Variants in CAMTA1 observed in about 807,000 individuals in gnomAD.
The protein encoded by CAMTA1 is calmodulin binding transcription activator 1.
CAMTA1 carries 27 observed loss-of-function variants against 170.9 expected under a neutral mutation model. That is an observed-to-expected ratio of 0.16 (90% CI 0.12 to 0.22). The LOEUF is 0.22. CAMTA1 is among the 10% of genes least tolerant of loss of function. CAMTA1 has a pLI of 1.00. For missense variants in CAMTA1, 1,619 were observed against 2,217.2 expected (o/e 0.73, Z 5.42); for synonymous variants, 833 against 891.5 (o/e 0.93, Z 1.17).
intron 6 of CAMTA1, among the ~76,000 whole-genome samples, chr1:7,498,055 A>G (rs1347558557): frequency 6.8e-6 from 1 of 147,334 alleles, no homozygotes; most frequent in African/African-American, 2.5e-5. Flanking sequence ...TTATGGAAAG[A>G]GGGGGTGAGA....
chr1:6,872,619 CA>C (rs1373571893), intron 3 of CAMTA1, among the ~76,000 whole-genome samples: 8 of 152,276 alleles, frequency 5.3e-5, no homozygotes, highest in Admixed American at 3.9e-4. Context: ...CTGCCATATG[CA>C]ATTTCATGAC....
Position 6,913,377 on chromosome 1 carries a change from G to T in CAMTA1, c.234+88167G>T, listed in dbSNP as rs568045770. The stretch of plus-strand genomic sequence containing the variant: ...CTGAGGAGCCTGCAGAAACCTCCCA[G>T]ATCTGCCTGCTTTTGGGGTTCCCTG... On this transcript the variant is annotated intron_variant, in intron 3 of 22. Coordinates refer to ENST00000303635, the MANE Select transcript of CAMTA1 (RefSeq NM_015215.4). Among the ~76,000 whole-genome samples the T allele has an allele frequency of 5.1e-4, 78 of 152,304 alleles. 1 individual carries two copies. In the South Asian group the frequency reaches 0.015, roughly 29 times the overall value.
chr1:6,983,907 ATTGGGTGGG>A (rs1572214250), intron 3 of CAMTA1, among the ~76,000 whole-genome samples: 1 of 92,588 alleles, frequency 1.1e-5, no homozygotes, highest in East Asian at 3.8e-4. Context: ...TGGATTGATG[ATTGGGTGGG>A]TGGGTAAATG....
At position 7,585,290 on chromosome 1, in the gene CAMTA1, G is replaced by A. The variant is rs891633772; in HGVS notation, c.511-55110G>A. The stretch of plus-strand genomic sequence containing the variant: ...AAAGGAAGGGGTACGGGAGGGTTGC[G>A]GATAGAGTAGCCAAGAAGAGGCCTC... On this transcript the variant is annotated intron_variant, in intron 6 of 22. Transcript: ENST00000303635. The surrounding 1 kb of genome is among the most constrained non-coding windows in gnomAD (Gnocchi z 4.8). 4.1e-5 allele frequency among the ~76,000 whole-genome samples: 6 copies of A among 145,724 alleles called. No homozygotes were observed. Among genetic ancestry groups the A allele is most frequent in the Admixed American group, 6.6e-5 (1 of 15,118 alleles).
intron 19 of CAMTA1, among the ~76,000 whole-genome samples, chr1:7,749,476 G>C (rs2096880343): frequency 6.6e-6 from 1 of 151,992 alleles, no homozygotes; most frequent in African/African-American, 2.4e-5. Flanking sequence ...GTGATACACA[G>C]AATGAAGGTT....
chr1:6,973,033 G>A (rs1692805067), intron 3 of CAMTA1, among the ~76,000 whole-genome samples: 1 of 151,988 alleles, frequency 6.6e-6, no homozygotes, highest in South Asian at 2.1e-4. Flanking sequence ...TGTATTTTTA[G>A]TAGAGATGGG....
At chr1:7,217,884 C>A (rs1484203180) in intron 4 of CAMTA1, among the ~76,000 whole-genome samples, 1 of 152,188 alleles carries the variant, frequency 6.6e-6, no homozygotes, top group Non-Finnish European at 1.5e-5. Context: ...CTTAGTTACA[C>A]ACTTAATTTA....
In CAMTA1 at chr1:7,640,466, G is replaced by A. The variant is rs138326875; in HGVS notation, c.577G>A (p.Gly193Ser). The A allele has an allele frequency of 3.6e-5, 58 of 1,614,072 alleles. No homozygotes were observed. In the East Asian group the frequency reaches 3.8e-4, roughly 11 times the overall value. ...CATCGAGGACTGCGGCAAGCCTTGC[G>A]GCCCCATCCTCTGCTCCATCAACAC... ...PAIEDCGKPC[G>S]PILCSINTDK... The change falls in exon 7 of 23, where the codon GGC becomes AGC. Residue 193 changes from glycine (G) to serine (S), a missense_variant. Around this residue, in one of 8 missense-constraint regions of CAMTA1, gnomAD observed 97 missense variants for 225.4 expected, o/e 0.43. Transcript: ENST00000303635.
At chr1:7,070,078 G>A (rs931920884) in intron 3 of CAMTA1, among the ~76,000 whole-genome samples, 5 of 152,194 alleles carry the variant, frequency 3.3e-5, no homozygotes, top group Non-Finnish European at 7.3e-5. Context: ...TGCACCCTTT[G>A]CTCTCTGGAG....
intron 3 of CAMTA1, among the ~76,000 whole-genome samples, chr1:7,079,327 A>G (rs1639709662): frequency 6.6e-6 from 1 of 152,214 alleles, no homozygotes; most frequent in Non-Finnish European, 1.5e-5. Context: ...AGTTAAAGAT[A>G]TAATTGCTGA....
chr1:6,810,840 A>G (rs917219565), intron 1 of CAMTA1, among the ~76,000 whole-genome samples: 2 of 152,172 alleles, frequency 1.3e-5, no homozygotes, highest in Admixed American at 1.3e-4. Context: ...GGTGGGGATC[A>G]TAGGAGGTCC....
chr1:7,734,390 C>T (rs764062168), intron 12 of CAMTA1, among the ~76,000 whole-genome samples: 28 of 152,182 alleles, frequency 1.8e-4, no homozygotes, highest in Non-Finnish European at 2.8e-4. Flanking sequence ...AAAGCTCAGC[C>T]ACTACGCAGC....
intron 4 of CAMTA1, among the ~76,000 whole-genome samples, chr1:7,138,367 T>C (rs1001573803): frequency 1.4e-4 from 21 of 152,224 alleles, no homozygotes; most frequent in African/African-American, 4.8e-4. Flanking sequence ...CAGTGTAGCA[T>C]TGGCATTTAA....
intron 3 of CAMTA1, among the ~76,000 whole-genome samples, chr1:6,990,367 C>CT (rs1696153097): frequency 6.6e-6 from 1 of 152,164 alleles, no homozygotes; most frequent in South Asian, 2.1e-4. Flanking sequence ...ATATCCATCA[C>CT]TTTAACAATT....
chr1:7,439,804 G>GC (rs1411356711), intron 5 of CAMTA1, among the ~76,000 whole-genome samples: 1 of 152,168 alleles, frequency 6.6e-6, no homozygotes, highest in Non-Finnish European at 1.5e-5. Flanking sequence ...AGAGTGCCGA[G>GC]CCCAGCCTCC....
At chr1:6,999,056 C>G (rs1697778756) in intron 3 of CAMTA1, among the ~76,000 whole-genome samples, 1 of 152,170 alleles carries the variant, frequency 6.6e-6, no homozygotes, top group South Asian at 2.1e-4. Flanking sequence ...ACTCTGTGCC[C>G]ACAAAACAAA....
chr1:6,976,038 T>C (rs1394002592), intron 3 of CAMTA1, among the ~76,000 whole-genome samples: 1 of 152,236 alleles, frequency 6.6e-6, no homozygotes, highest in Non-Finnish European at 1.5e-5. Flanking sequence ...CCAGAGCATC[T>C]TGAATGCTCA....
chr1:7,279,701 C>T (rs907903921), intron 5 of CAMTA1, among the ~76,000 whole-genome samples: 11 of 152,164 alleles, frequency 7.2e-5, no homozygotes, highest in African/African-American at 2.7e-4. Flanking sequence ...TTTGGTACTT[C>T]CAAAGCCCAC....
chr1:7,490,237 C>A (rs773171457), intron 6 of CAMTA1, among the ~76,000 whole-genome samples: 5 of 152,224 alleles, frequency 3.3e-5, no homozygotes, highest in Non-Finnish European at 7.3e-5. Flanking sequence ...TTGCACCGTG[C>A]ACAATGTGGA....
Sources: gnomAD v4.1 joint callset for allele counts (sites outside exome capture counted in the v4.1 genomes callset) on GRCh38, gnomAD v4.1.1 for gene constraint, gnomAD v4.1.1 regional missense constraint, Gnocchi (gnomAD v3.1) non-coding constraint, MANE v1.5 for transcripts, NCBI Gene and HGNC (gene_info 2026-07-23, HGNC 2026-07-21) for gene names.